Variants in U2SURP observed in about 807,000 individuals in gnomAD.
U2SURP encodes the protein U2 snRNP associated SURP domain containing, also known as U2 snRNP-associated SURP motif-containing protein.
U2SURP carries 9 observed loss-of-function variants against 144.9 expected under a neutral mutation model. That is an observed-to-expected ratio of 0.06 (90% CI 0.04 to 0.11). The LOEUF (loss-of-function observed/expected upper bound fraction) is 0.11, where lower values mean the gene tolerates loss of function less well. U2SURP is among the 10% of genes least tolerant of loss of function. The probability of loss-of-function intolerance (pLI) is 1.00; values close to 1 mark genes in which losing one functional copy is unlikely to be tolerated. For synonymous variants in U2SURP, 408 were observed against 396.8 expected, an observed-to-expected ratio of 1.03 and a Z score of -0.33; for missense variants, 724 against 1,226.7, an observed-to-expected ratio of 0.59 and a Z score of 6.12.
chr3:143,028,134 A>G (rs562729548), intron 14 of U2SURP, among the ~76,000 whole-genome samples: 57 of 152,164 alleles, frequency 3.7e-4, no homozygotes, highest in Non-Finnish European at 6.6e-4. Context: ...CTGAGTATTA[A>G]TGTCAGTCAC....
intron 1 of U2SURP, among the ~76,000 whole-genome samples, chr3:143,006,612 G>C (rs1212804980): frequency 3.3e-5 from 5 of 152,044 alleles, no homozygotes; most frequent in African/African-American, 1.2e-4. Context: ...AAAATTAGCT[G>C]GGCATGGTGG....
At chr3:143,055,408 T>G (rs1935099697) in intron 27 of U2SURP, among the ~76,000 whole-genome samples, 1 of 152,176 alleles carries the variant, frequency 6.6e-6, no homozygotes, top group African/African-American at 2.4e-5. Context: ...GTTCTGTTCT[T>G]TAGTTTCTAT....
At chr3:143,018,927 A>AAAAC (rs370695478) in intron 6 of U2SURP, among the ~76,000 whole-genome samples, 114 of 152,270 alleles carry the variant, frequency 7.5e-4, no homozygotes, top group African/African-American at 2.3e-3. Context: ...CTCCATCTCA[A>AAAAC]AAACAAACAA....
At position 143,016,509 on chromosome 3, in the gene U2SURP, A is replaced by G. The variant is rs568272274; in HGVS notation, c.436+138A>G. 20 of 735,490 alleles carry G rather than the reference A, an allele frequency of 2.7e-5. No individual in the cohort carries two copies. The South Asian group carries it at 3.5e-4, about 13-fold the overall frequency. 45.6% of individuals were successfully genotyped at this position (735,490 alleles called of 1,614,324 possible). A position where few individuals can be genotyped will look rare whatever the true frequency, so the allele number is the denominator to read the frequency against. On this transcript the variant is annotated intron_variant, in intron 5 of 27. Transcript: ENST00000473835. The stretch of plus-strand genomic sequence containing the variant: ...GCTTTTGAATTTTACATTTTCTATC[A>G]GCACCCTCTAGTGGTTATTATTAAT...
At chr3:143,034,402 C>CAA in intron 18 of U2SURP, 1 of 143,026 alleles carries the variant, frequency 7.0e-6, no homozygotes, top group Non-Finnish European at 1.5e-5. Context: ...AACTCCATCT[C>CAA]AAAAAAAAAA....
chr3:143,035,520 C>T (rs1434638361), intron 19 of U2SURP, among the ~76,000 whole-genome samples: 1 of 152,126 alleles, frequency 6.6e-6, no homozygotes, highest in Non-Finnish European at 1.5e-5. Context: ...AGTTTTTGAC[C>T]TTAAATTTTG....
At chr3:143,003,675 T>A (rs1425712503) in intron 1 of U2SURP, among the ~76,000 whole-genome samples, 1 of 117,334 alleles carries the variant, frequency 8.5e-6, no homozygotes, top group Non-Finnish European at 1.6e-5. Context: ...TTTATTTTAT[T>A]TCTTTTTTTT....
intron 27 of U2SURP, among the ~76,000 whole-genome samples, chr3:143,055,685 T>C: frequency 6.6e-6 from 1 of 152,228 alleles, no homozygotes; most frequent in Non-Finnish European, 1.5e-5. Context: ...TTATTGTAAC[T>C]ATTTTTAGTA....
Position 143,037,256 on chromosome 3 carries a change from T to G in U2SURP, c.2142T>G (p.Ile714Met), listed in dbSNP as rs1412092064. Residue 714 changes from isoleucine (I) to methionine (M), a missense_variant, in exon 21 of 28, where the codon ATT (isoleucine) becomes ATG (methionine). Physicochemically the swap from Ile to Met is conservative, Grantham distance 10. This residue lies in a region of U2SURP where 116 missense variants were observed against 167.9 expected (regional missense o/e 0.69). Coordinates refer to ENST00000473835, the MANE Select transcript of U2SURP (RefSeq NM_001080415.2). ...DGAPLEDVDGIPIDATPIDDL... is the reference protein window; with the variant it reads ...DGAPLEDVDGMPIDATPIDDL... ...CACCTCTGGAAGATGTAGATGGAATTCCTATTGATGCTACTCCCATCGATG... is the reference window on the plus strand; with the variant it reads ...CACCTCTGGAAGATGTAGATGGAATGCCTATTGATGCTACTCCCATCGATG... 1 of 1,612,702 alleles carries G rather than the reference T, an allele frequency of 6.2e-7. No individual in the cohort carries two copies. Among genetic ancestry groups the G allele is most frequent in the Non-Finnish European group, 8.5e-7 (1 of 1,179,302 alleles).
At chr3:143,049,265 CAAAAAAAAA>C (rs200930787) in intron 24 of U2SURP, among the ~76,000 whole-genome samples, 1,323 of 81,420 alleles carry the variant, frequency 0.016, 14 homozygotes, top group East Asian at 0.071. Flanking sequence ...GACTCCATCT[CAAAAAAAAA>C]AAAAAAAAAA....
At chr3:143,004,669 G>C (rs1935744589) in intron 1 of U2SURP, among the ~76,000 whole-genome samples, 1 of 147,978 alleles carries the variant, frequency 6.8e-6, no homozygotes, top group African/African-American at 2.5e-5. Flanking sequence ...TTATGTATGT[G>C]TATGTACTTG....
intron 24 of U2SURP, among the ~76,000 whole-genome samples, chr3:143,046,942 A>G (rs866955405): frequency 1.5e-3 from 85 of 55,858 alleles, no homozygotes; most frequent in East Asian, 2.0e-3. Flanking sequence ...CTGGCCGGGC[A>G]GGGGGCTGAC....
intron 3 of U2SURP, 108 bp from the exon 4 acceptor site, chr3:143,014,203 A>C: frequency 1.7e-6 from 1 of 575,224 alleles, no homozygotes; most frequent in African/African-American, 2.0e-5. Context: ...AATGAAATTT[A>C]AAAAAAAACG....
At chr3:143,010,432 G>A (rs1050466139) in intron 1 of U2SURP, among the ~76,000 whole-genome samples, 3 of 152,150 alleles carry the variant, frequency 2.0e-5, no homozygotes, top group Non-Finnish European at 2.9e-5. Context: ...GAGAGTTCTC[G>A]TGCTGTGGAC....
intron 13 of U2SURP, 104 bp downstream of exon 13, chr3:143,024,122 A>G (rs1932987431): frequency 1.9e-6 from 2 of 1,071,262 alleles, no homozygotes; most frequent in South Asian, 1.3e-5. Context: ...TGACTGAGCA[A>G]TGGTTCCTTC....
At chr3:143,046,137 C>G (rs1372424850) in intron 24 of U2SURP, among the ~76,000 whole-genome samples, 1 of 151,824 alleles carries the variant, frequency 6.6e-6, no homozygotes, top group Admixed American at 6.6e-5. Context: ...ATAAAGATAC[C>G]TATAGCTGAA....
intron 3 of U2SURP, among the ~76,000 whole-genome samples, chr3:143,012,799 A>G (rs896115620): frequency 6.6e-6 from 1 of 152,140 alleles, no homozygotes; most frequent in African/African-American, 2.4e-5. Flanking sequence ...GTAATACAGG[A>G]ACACAGAGAA....
At chr3:143,055,215 T>G in intron 27 of U2SURP, 96 bp downstream of exon 27, 4 of 1,215,724 alleles carry the variant, frequency 3.3e-6, no homozygotes, top group Non-Finnish European at 4.5e-6. Flanking sequence ...CATTTTTTTT[T>G]TTTTTTAAGG....
In U2SURP at chr3:143,004,577, C is replaced by CT. The variant is rs1244525111; in HGVS notation, c.45+2904_45+2905insT. ...TGTTGGCCTCTTGACCTTGTGACCC[C>CT]CCCCCCCCGCCTCGGCCTCCCAAAG... is the stretch of plus-strand genomic sequence containing the variant. On this transcript the variant is annotated intron_variant, in intron 1 of 27. Transcript: ENST00000473835. 1.9e-4 allele frequency among the ~76,000 whole-genome samples: 15 copies of CT among 76,944 alleles called. 1 individual carries two copies. The highest frequency in any genetic ancestry group is 1.1e-3 in the African/African-American group (13 of 11,810). The allele number at this position is 76,944 out of a possible 152,430, so 50.5% of individuals were successfully genotyped here.
Sources: allele counts gnomAD v4.1 joint callset (sites outside exome capture counted in the v4.1 genomes callset), GRCh38; gene constraint gnomAD v4.1.1; regional missense constraint gnomAD v4.1.1; transcripts MANE v1.5; gene names NCBI Gene and HGNC (gene_info 2026-07-23, HGNC 2026-07-21).